XKR9: variants seen among roughly 807,000 people sequenced by gnomAD.
XKR9 encodes XK-related protein 9.
XKR9 carries 32 observed loss-of-function variants against 32.0 expected under a neutral mutation model. The ratio of observed to expected loss-of-function variants is 1.00; its 90% confidence interval spans 0.76 to 1.34. The LOEUF (loss-of-function observed/expected upper bound fraction) is 1.34. Ranked by LOEUF, XKR9 falls within the 40% of genes most tolerant of loss-of-function variation. The pLI, the probability that XKR9 is intolerant of heterozygous loss-of-function variation, is 0.00. For missense variants in XKR9, 546 were observed against 429.7 expected (o/e 1.27, Z -2.39); for synonymous variants, 168 against 143.4 (o/e 1.17, Z -1.22).
chr8:70,787,740 T>C (rs1192307708), intron 2 of XKR9, among the ~76,000 whole-genome samples: 2 of 152,082 alleles, frequency 1.3e-5, no homozygotes, highest in African/African-American at 4.8e-5. Context: ...TTAAGTACAG[T>C]TTGCTTTACA....
chr8:71,040,661 T>C, the XKR9 span, among the ~76,000 whole-genome samples: 5 of 152,312 alleles, frequency 3.3e-5, no homozygotes, highest in East Asian at 9.6e-4. Flanking sequence ...TATTATTATT[T>C]TTGTCCTGCA....
the XKR9 span, among the ~76,000 whole-genome samples, chr8:70,991,340 A>G: frequency 9.9e-5 from 15 of 152,274 alleles, no homozygotes; most frequent in East Asian, 2.9e-3. Flanking sequence ...CGATTTGTAT[A>G]TTTTTATAAA....
chr8:70,874,372 C>T, the XKR9 span, among the ~76,000 whole-genome samples: 12 of 152,124 alleles, frequency 7.9e-5, no homozygotes, highest in South Asian at 2.3e-3. Flanking sequence ...TATGATAGAT[C>T]CCTATGAAGG....
the XKR9 span, among the ~76,000 whole-genome samples, chr8:70,855,929 A>T: frequency 2.0e-5 from 3 of 152,328 alleles, no homozygotes; most frequent in Non-Finnish European, 1.5e-5. Context: ...ACAAATGCTG[A>T]GAGATTTTGT....
chr8:70,918,590 T>C, the XKR9 span, among the ~76,000 whole-genome samples: 1 of 151,852 alleles, frequency 6.6e-6, no homozygotes, highest in South Asian at 2.1e-4. Context: ...ATGTGGTCAT[T>C]TGGCTATAAT....
At position 70,772,769 on chromosome 8, in the gene XKR9, CT is replaced by C. The variant is rs1446539105; in HGVS notation, n.353-16568del. 3.9e-5 allele frequency among the ~76,000 whole-genome samples: 6 copies of C among 152,204 alleles called. 1 individual carries two copies. The South Asian group carries it at 1.2e-3, about 32-fold the overall frequency. On this transcript the variant is annotated intron_variant and non_coding_transcript_variant, in intron 2 of 3. Coordinates refer to the XKR9 transcript ENST00000520273. ...AAAAGATGAACAGAAAAATTAGCTTCTTGATTTCTAATTCATGTGTTGCAAG... is the reference window on the plus strand; with the variant it reads ...AAAAGATGAACAGAAAAATTAGCTTCTGATTTCTAATTCATGTGTTGCAAG...
the XKR9 span, among the ~76,000 whole-genome samples, chr8:71,052,034 C>G: frequency 6.6e-6 from 1 of 152,108 alleles, no homozygotes; most frequent in Non-Finnish European, 1.5e-5. Context: ...AAATTTGTGT[C>G]GGCTAAATAA....
the XKR9 span, among the ~76,000 whole-genome samples, chr8:71,009,508 A>G: frequency 3.3e-5 from 5 of 152,288 alleles, no homozygotes; most frequent in African/African-American, 1.2e-4. Flanking sequence ...TGTAAGCTCC[A>G]TAGGGTTAGA....
chr8:70,957,296 A>G, the XKR9 span, among the ~76,000 whole-genome samples: 1 of 152,174 alleles, frequency 6.6e-6, no homozygotes, highest in Non-Finnish European at 1.5e-5. Context: ...TGGTTTCTTT[A>G]GTTTCCAAAT....
At chr8:70,688,179 A>G (rs966871997) in intron 3 of XKR9, among the ~76,000 whole-genome samples, 4 of 152,224 alleles carry the variant, frequency 2.6e-5, no homozygotes, top group Non-Finnish European at 5.9e-5. Flanking sequence ...CATTCTGTGG[A>G]AGTGGTGGTC....
At chr8:70,892,610 T>C in the XKR9 span, among the ~76,000 whole-genome samples, 1 of 152,196 alleles carries the variant, frequency 6.6e-6, no homozygotes, top group Non-Finnish European at 1.5e-5. Context: ...TTGCTGGGTA[T>C]AGTATTCTTT....
At chr8:70,720,228 A>G (rs547034912) in intron 4 of XKR9, among the ~76,000 whole-genome samples, 5 of 152,288 alleles carry the variant, frequency 3.3e-5, no homozygotes, top group African/African-American at 2.4e-5. Flanking sequence ...TAAATATACA[A>G]TCATGTCACC....
At chr8:71,000,827 C>A in the XKR9 span, among the ~76,000 whole-genome samples, 1 of 152,226 alleles carries the variant, frequency 6.6e-6, no homozygotes, top group Admixed American at 6.5e-5. Context: ...TAGATGGAGG[C>A]AGTGCCATTG....
intron 4 of XKR9, among the ~76,000 whole-genome samples, chr8:70,721,178 G>C (rs1161613494): frequency 6.6e-6 from 1 of 151,968 alleles, no homozygotes; most frequent in Non-Finnish European, 1.5e-5. Context: ...GTGTCTATTT[G>C]ATTCTTCTCT....
At chr8:70,741,223 A>G (rs1806975615) in intron 2 of XKR9, among the ~76,000 whole-genome samples, 1 of 152,112 alleles carries the variant, frequency 6.6e-6, no homozygotes, top group South Asian at 2.1e-4. Flanking sequence ...TAGTTTAGAT[A>G]AGGTTATCAG....
intron 2 of XKR9, among the ~76,000 whole-genome samples, chr8:70,756,359 T>A (rs1455500415): frequency 2.0e-5 from 3 of 152,234 alleles, no homozygotes; most frequent in Non-Finnish European, 2.9e-5. Flanking sequence ...TCCCTTGCAA[T>A]TTCATATGAA....
chr8:70,819,081 A>G, the XKR9 span, among the ~76,000 whole-genome samples: 1 of 152,226 alleles, frequency 6.6e-6, no homozygotes, highest in Non-Finnish European at 1.5e-5. Context: ...ATACACCAGG[A>G]AGCTGCAAAG....
the XKR9 span, among the ~76,000 whole-genome samples, chr8:70,807,777 C>A: frequency 1.3e-5 from 2 of 152,170 alleles, no homozygotes; most frequent in Admixed American, 1.3e-4. Flanking sequence ...TTCTTAGAAA[C>A]CTACAAGGAG....
At chr8:70,678,093 A>G (rs558081550) in intron 2 of XKR9, 13 of 152,254 alleles carry the variant, frequency 8.5e-5, no homozygotes, top group African/African-American at 3.1e-4. Context: ...AGGCTTTTCC[A>G]TCTCTATGCA....
Sources: allele counts gnomAD v4.1 joint callset (sites outside exome capture counted in the v4.1 genomes callset), GRCh38; gene constraint gnomAD v4.1.1; transcripts MANE v1.5; gene names NCBI Gene and HGNC (gene_info 2026-07-23, HGNC 2026-07-21).